The following KIF26B variants were observed in gnomAD, a reference collection of about 807,000 sequenced individuals.
KIF26B encodes kinesin-like protein KIF26B.
Under a neutral mutation model 151.2 loss-of-function variants are expected in KIF26B, and 63 were observed. That is an observed-to-expected ratio of 0.42 (90% confidence interval 0.34 to 0.51). The LOEUF (loss-of-function observed/expected upper bound fraction) is 0.51, where lower values mean the gene tolerates loss of function less well. Ranked by LOEUF, KIF26B falls within the 20% of genes least tolerant of loss-of-function variation. KIF26B has a pLI of 0.07. For missense variants in KIF26B, 2,813 were observed against 2,913.6 expected (o/e 0.97, Z 0.79); for synonymous variants, 1,357 against 1,262.1 (o/e 1.08, Z -1.59).
chr1:245,381,263 T>TGCTG (rs1673401610), intron 3 of KIF26B, among the ~76,000 whole-genome samples: 1 of 152,150 alleles, frequency 6.6e-6, no homozygotes, highest in Non-Finnish European at 1.5e-5. Flanking sequence ...TGCATGTGAG[T>TGCTG]GCTGGCTCAC....
intron 10 of KIF26B, among the ~76,000 whole-genome samples, chr1:245,673,104 C>T (rs1445713835): frequency 7.2e-6 from 1 of 139,084 alleles, no homozygotes; most frequent in African/African-American, 2.8e-5. Flanking sequence ...CCATCTTAGG[C>T]CCAGTCCCCG....
At chr1:245,225,145 T>G (rs1170134724) in intron 2 of KIF26B, among the ~76,000 whole-genome samples, 1 of 152,174 alleles carries the variant, frequency 6.6e-6, no homozygotes, top group African/African-American at 2.4e-5. Flanking sequence ...TTCATAGAGA[T>G]GAGATACTAC....
intron 4 of KIF26B, among the ~76,000 whole-genome samples, chr1:245,522,110 C>A (rs1037469246): frequency 2.6e-5 from 4 of 152,268 alleles, no homozygotes; most frequent in African/African-American, 7.2e-5. Flanking sequence ...ACCTCATGAT[C>A]TGCCCGCCTT....
chr1:245,453,327 G>A (rs1659439539), intron 4 of KIF26B, among the ~76,000 whole-genome samples: 1 of 151,994 alleles, frequency 6.6e-6, no homozygotes, highest in Non-Finnish European at 1.5e-5. Context: ...CAGTAATACT[G>A]CATCCTGTCT....
intron 4 of KIF26B, among the ~76,000 whole-genome samples, chr1:245,524,431 A>G (rs938047928): frequency 6.6e-6 from 1 of 152,204 alleles, no homozygotes; most frequent in African/African-American, 2.4e-5. Context: ...CAATAAAGTG[A>G]CATATGATTT....
In KIF26B at chr1:245,359,315, A is replaced by G. The variant is rs184239241; in HGVS notation, c.466-7519A>G. On this transcript the variant is annotated intron_variant, in intron 2 of 14. Transcript: ENST00000407071. ...GTTGCAAGAGTGAGCCACCGCGTCC[A>G]GGCCAGGTTTCTCTTTCTACATCTT... 9.1e-3 allele frequency among the ~76,000 whole-genome samples: 1,382 copies of G among 152,256 alleles called. 21 individuals are homozygous for G. The highest frequency in any genetic ancestry group is 0.04 in the East Asian group (207 of 5,172).
chr1:245,522,026 T>C (rs145109213), intron 4 of KIF26B, among the ~76,000 whole-genome samples: 25,330 of 149,188 alleles, frequency 0.17, 2,758 homozygotes, highest in Middle Eastern at 0.27. Flanking sequence ...CCCGCCACCA[T>C]GCCCGGCTAA....
chr1:245,165,618 T>C (rs1252371301), intron 2 of KIF26B, among the ~76,000 whole-genome samples: 2 of 151,904 alleles, frequency 1.3e-5, no homozygotes, highest in South Asian at 4.2e-4. Flanking sequence ...GAACATGAAG[T>C]GGTGGAGACC....
intron 2 of KIF26B, among the ~76,000 whole-genome samples, chr1:245,215,047 C>T (rs1465931313): frequency 6.6e-6 from 1 of 152,100 alleles, no homozygotes; most frequent in Non-Finnish European, 1.5e-5. Flanking sequence ...CTTTGTTCTG[C>T]ATACATCTCC....
At chr1:245,386,689 A>G (rs986359746) in intron 3 of KIF26B, among the ~76,000 whole-genome samples, 26 of 152,154 alleles carry the variant, frequency 1.7e-4, no homozygotes, top group Non-Finnish European at 2.9e-5. Context: ...TCCTATTTAC[A>G]GCTCTCCATC....
intron 2 of KIF26B, among the ~76,000 whole-genome samples, chr1:245,356,385 G>A (rs137876474): frequency 0.011 from 1,721 of 152,060 alleles, 35 homozygotes; most frequent in African/African-American, 0.038. Context: ...GTGAAACTCC[G>A]TCTCTACTAA....
At chr1:245,278,177 G>A (rs1670971896) in intron 2 of KIF26B, among the ~76,000 whole-genome samples, 1 of 152,042 alleles carries the variant, frequency 6.6e-6, no homozygotes, top group Admixed American at 6.5e-5. Context: ...CATAGAAATC[G>A]CACTTCAGAC....
chr1:245,216,900 T>G (rs1472163684), intron 2 of KIF26B, among the ~76,000 whole-genome samples: 4 of 152,244 alleles, frequency 2.6e-5, no homozygotes, highest in Non-Finnish European at 5.9e-5. Flanking sequence ...GTTTCACTTT[T>G]GCCTTATTTC....
intron 2 of KIF26B, among the ~76,000 whole-genome samples, chr1:245,246,672 C>A (rs1419766767): frequency 6.6e-6 from 1 of 152,162 alleles, no homozygotes; most frequent in Non-Finnish European, 1.5e-5. Context: ...ATTGAGGAAT[C>A]CATTCTGATT....
intron 4 of KIF26B, among the ~76,000 whole-genome samples, chr1:245,456,055 A>G (rs764835347): frequency 9.8e-5 from 15 of 152,308 alleles, no homozygotes; most frequent in Middle Eastern, 3.4e-3. Flanking sequence ...AGGGATAACC[A>G]TTAGTGGCTT....
rs115802037 is a variant in KIF26B, at chr1:245,646,905, G to T, written c.2258+625G>T. ...CTACTGCTCCAATTAAATTACAGCC[G>T]CTCCTATGTCTGGCAGAGACAAAGC... On this transcript the variant is annotated intron_variant, in intron 10 of 14. Coordinates refer to ENST00000407071, the MANE Select transcript of KIF26B (RefSeq NM_018012.4). Among the ~76,000 whole-genome samples, 541 of 152,046 alleles carry T rather than the reference G, an allele frequency of 3.6e-3. 2 individuals carry two copies. The highest frequency in any genetic ancestry group is 0.012 in the African/African-American group (500 of 41,456).
At position 245,520,147 on chromosome 1, in the gene KIF26B, G is replaced by T. The variant is rs1163011693; in HGVS notation, c.1167-20620G>T. The stretch of plus-strand genomic sequence containing the variant: ...AGAGAGAGAGAGAGAGAGAGAGAGA[G>T]CCCTTCCCCAGCTAGTCTGGCAGCA... On this transcript the variant is annotated intron_variant, in intron 4 of 14. Coordinates refer to ENST00000407071, the MANE Select transcript of KIF26B (RefSeq NM_018012.4). Among the ~76,000 whole-genome samples the T allele has an allele frequency of 4.7e-5, 7 of 150,402 alleles. No individual in the cohort carries two copies. In the East Asian group the frequency reaches 1.4e-3, roughly 29 times the overall value.
intron 2 of KIF26B, among the ~76,000 whole-genome samples, chr1:245,252,005 G>T (rs1670453378): frequency 1.3e-5 from 2 of 152,104 alleles, no homozygotes; most frequent in African/African-American, 2.4e-5. Context: ...TGGCCTGGTG[G>T]CTCATGCCTA....
chr1:245,583,730 C>T (rs1361041568), intron 5 of KIF26B, among the ~76,000 whole-genome samples: 1 of 152,172 alleles, frequency 6.6e-6, no homozygotes, highest in African/African-American at 2.4e-5. Flanking sequence ...ATCACCACCT[C>T]ACTTTCGGTG....
Sources: gnomAD v4.1 joint callset for allele counts (sites outside exome capture counted in the v4.1 genomes callset) on GRCh38, gnomAD v4.1.1 for gene constraint, MANE v1.5 for transcripts, NCBI Gene and HGNC (gene_info 2026-07-23, HGNC 2026-07-21) for gene names.